The following VPS72 variants were observed in gnomAD, a reference collection of about 807,000 sequenced individuals.
VPS72 encodes vacuolar protein sorting-associated protein 72 homolog.
A neutral mutation model predicts 38.9 loss-of-function variants in VPS72; 27 were observed. That is an observed-to-expected ratio of 0.69 (90% confidence interval 0.51 to 0.96). The LOEUF is 0.96. VPS72 is among the 40% of genes least tolerant of loss of function. The pLI is 0.00. For synonymous variants in VPS72, 173 were observed against 186.3 expected (o/e 0.93, Z 0.58); for missense variants, 360 against 479.5 (o/e 0.75, Z 2.33).
chr1:151,176,565 G>A lies in VPS72; in HGVS notation c.*79C>T, dbSNP rs1389054571. 6 of 1,542,644 alleles carry A rather than the reference G, an allele frequency of 3.9e-6. No individual in the cohort carries two copies. The highest frequency in any genetic ancestry group is 5.2e-6 in the Non-Finnish European group (6 of 1,145,836). ...AGGCAAAGATCAGAGATGACAAAGG[G>A]GAGAAGCAGGGAGAAGAAACGGAAC... On this transcript the variant is annotated 3_prime_UTR_variant, in exon 6 of 6. Transcript: ENST00000368892.
At chr1:151,177,902 C>T (rs1206016519) in intron 5 of VPS72, 99 bp downstream of exon 5, 1 of 1,374,244 alleles carries the variant, frequency 7.3e-7, no homozygotes, top group Non-Finnish European at 9.9e-7. Flanking sequence ...AAAGAAATCT[C>T]CAAGTGTTAA....
At chr1:151,188,257 C>T (rs1328870053) in intron 1 of VPS72, among the ~76,000 whole-genome samples, 3 of 152,014 alleles carry the variant, frequency 2.0e-5, no homozygotes, top group Non-Finnish European at 4.4e-5. Flanking sequence ...AGGCTGGTCT[C>T]GAACTCCTGA....
At chr1:151,184,559 GA>G (rs1684307855) in intron 3 of VPS72, 66 bp from the exon 4 acceptor site, 1 of 1,424,772 alleles carries the variant, frequency 7.0e-7, no homozygotes, top group Non-Finnish European at 9.3e-7. Context: ...TATTTATTTT[GA>G]AATGTTGTAC....
chr1:151,186,359 G>A (rs1319739733), intron 1 of VPS72, among the ~76,000 whole-genome samples: 1 of 151,952 alleles, frequency 6.6e-6, no homozygotes, highest in Non-Finnish European at 1.5e-5. Context: ...AGGAGTTCGA[G>A]ACCAGCCTGG....
At chr1:151,186,356 C>T (rs11204786) in intron 1 of VPS72, among the ~76,000 whole-genome samples, 3 of 151,620 alleles carry the variant, frequency 2.0e-5, no homozygotes, top group African/African-American at 7.3e-5. Flanking sequence ...GCCAGGAGTT[C>T]GAGACCAGCC....
intron 4 of VPS72, among the ~76,000 whole-genome samples, chr1:151,183,537 T>C (rs1024403024): frequency 1.3e-5 from 2 of 151,012 alleles, no homozygotes; most frequent in South Asian, 2.1e-4. Context: ...TCTCGGCTCA[T>C]TGCAACTTCC....
At chr1:151,179,110 C>A (rs1684179983) in intron 4 of VPS72, among the ~76,000 whole-genome samples, 2 of 150,834 alleles carry the variant, frequency 1.3e-5, no homozygotes, top group African/African-American at 4.9e-5. Flanking sequence ...GGTGAAACCC[C>A]GTCTCTACTA....
At position 151,176,969 on chromosome 1, in the gene VPS72, G is replaced by A. The variant is rs587674014; in HGVS notation, c.770C>T (p.Pro257Leu). The A allele has an allele frequency of 1.9e-6, 3 of 1,606,468 alleles. No individual in the cohort carries two copies. Among genetic ancestry groups the A allele is most frequent in the South Asian group, 2.2e-5 (2 of 90,232 alleles). ...TPHAGTGPVN[P>L]PARCSRTFIT... is the part of the protein sequence containing the mutation. Reference sequence around the variant, plus strand: ...GAAGGTACGTGAGCAGCGAGCAGGGGGGTTGACGGGTCCAGTCCCAGCATG... The same window carrying A: ...GAAGGTACGTGAGCAGCGAGCAGGGAGGTTGACGGGTCCAGTCCCAGCATG... Residue 257 changes from proline to leucine, a missense_variant, in exon 6 of 6, where the codon CCC (proline) becomes CTC (leucine). Physicochemically the swap from Pro to Leu is moderately conservative, Grantham distance 98. This residue lies in a region of VPS72 where 294 missense variants were observed against 356.3 expected (regional missense o/e 0.83). Transcript: ENST00000368892.
chr1:151,187,632 G>GA (rs1558216147), intron 1 of VPS72, among the ~76,000 whole-genome samples: 1 of 152,124 alleles, frequency 6.6e-6, no homozygotes, highest in Non-Finnish European at 1.5e-5. Context: ...TATCATCTAT[G>GA]AAAACCATTA....
At position 151,178,008 on chromosome 1, in the gene VPS72, T is replaced by C. The variant is rs1387845506; in HGVS notation, c.700A>G (p.Ile234Val). 3 of 1,613,894 alleles carry C rather than the reference T, an allele frequency of 1.9e-6. No individual in the cohort carries two copies. The highest frequency in any genetic ancestry group is 1.7e-5 in the Admixed American group (1 of 59,974). ...CTCTTGAGATTCACTCACCCTTCTA[T>C]GTCAACGTTCTCTTCCTTGGGGCCT... ...EPGPKEENVDIEGLDPAPSVS... is the reference protein window; with the variant it reads ...EPGPKEENVDVEGLDPAPSVS... The change falls in exon 5 of 6, where the codon ATA (isoleucine) becomes GTA (valine). Residue 234 changes from isoleucine (I) to valine (V), a missense_variant. Physicochemically the swap from Ile to Val is conservative, Grantham distance 29. Transcript: ENST00000368892.
At chr1:151,177,253 C>T (rs1019924195) in intron 5 of VPS72, among the ~76,000 whole-genome samples, 6 of 151,844 alleles carry the variant, frequency 4.0e-5, no homozygotes, top group African/African-American at 7.3e-5. Context: ...GGCGTGGTGG[C>T]GGATGCCTGT....
chr1:151,182,495 T>C (rs1684261586), intron 4 of VPS72, among the ~76,000 whole-genome samples: 1 of 152,252 alleles, frequency 6.6e-6, no homozygotes, highest in Admixed American at 6.5e-5. Flanking sequence ...ATTTCTAATA[T>C]CTTCGAATAA....
At position 151,185,771 on chromosome 1, in the gene VPS72, C is replaced by A. The variant is rs752691500; in HGVS notation, c.270+27G>T. The A allele has an allele frequency of 1.9e-6, 3 of 1,612,836 alleles. No individual in the cohort carries two copies. The Admixed American group carries it at 5.0e-5, about 27-fold the overall frequency. ...AAGAGAGAATAGGAATTGAGGAAAT[C>A]CAAGACAACTAGGACTCCCCCTGTA... On this transcript the variant is annotated intron_variant, in intron 2 of 5. Transcript: ENST00000368892.
chr1:151,178,791 T>C (rs587645817), intron 4 of VPS72, among the ~76,000 whole-genome samples: 2 of 152,276 alleles, frequency 1.3e-5, no homozygotes, highest in African/African-American at 4.8e-5. Flanking sequence ...TCCTCTCCAG[T>C]TCACCACCAT....
intron 5 of VPS72, 88 bp downstream of exon 5, chr1:151,177,913 G>A (rs1684153275): frequency 2.1e-6 from 3 of 1,454,206 alleles, no homozygotes; most frequent in South Asian, 2.6e-5. Flanking sequence ...CAAGTGTTAA[G>A]GAGAGCTGTG....
intron 4 of VPS72, among the ~76,000 whole-genome samples, chr1:151,183,421 CAAAAA>C (rs769884773): frequency 7.1e-4 from 36 of 50,874 alleles, no homozygotes; most frequent in African/African-American, 2.9e-3. Flanking sequence ...GACTCTGTCT[CAAAAA>C]AAAAAAAAAA....
At position 151,181,615 on chromosome 1, in the gene VPS72, A is replaced by G. The variant is rs587728891; in HGVS notation, c.562+2702T>C. On this transcript the variant is annotated intron_variant, in intron 4 of 5. Transcript: ENST00000368892. Reference sequence around the variant, plus strand: ...AATCACTTCAGTCACTCTCCTGTCAATAATTCCCTTGCCCTGATCTGGACT... The same window carrying G: ...AATCACTTCAGTCACTCTCCTGTCAGTAATTCCCTTGCCCTGATCTGGACT... 2.6e-5 allele frequency among the ~76,000 whole-genome samples: 4 copies of G among 152,228 alleles called. No homozygotes were observed. In the South Asian group the frequency reaches 8.3e-4, roughly 32 times the overall value.
At chr1:151,188,131 G>A (rs1684391575) in intron 1 of VPS72, among the ~76,000 whole-genome samples, 1 of 151,890 alleles carries the variant, frequency 6.6e-6, no homozygotes, top group Non-Finnish European at 1.5e-5. Flanking sequence ...CTGCCTCCTG[G>A]GTTCAAGTGA....
intron 4 of VPS72, among the ~76,000 whole-genome samples, chr1:151,182,780 T>C (rs1283865818): frequency 6.6e-6 from 1 of 152,242 alleles, no homozygotes; most frequent in African/African-American, 2.4e-5. Context: ...TCCAACTCGT[T>C]GGTCACTTCC....
Sources: gnomAD v4.1 joint callset for allele counts (sites outside exome capture counted in the v4.1 genomes callset) on GRCh38, gnomAD v4.1.1 for gene constraint, gnomAD v4.1.1 regional missense constraint, MANE v1.5 for transcripts, NCBI Gene and HGNC (gene_info 2026-07-23, HGNC 2026-07-21) for gene names.